Variants in DNAH11 observed in about 807,000 individuals in gnomAD.
DNAH11 encodes axonemal beta dynein heavy chain 11.
Under a neutral mutation model 526.0 loss-of-function variants are expected in DNAH11, and 442 were observed. The observed-to-expected ratio is 0.84, with a 90% CI of 0.78 to 0.91. The LOEUF is 0.91. Among genes scored for constraint, DNAH11 ranks in the 40% least tolerant of loss-of-function variants. The probability of loss-of-function intolerance (pLI) is 0.00; values close to 1 mark genes in which losing one functional copy is unlikely to be tolerated. For synonymous variants in DNAH11, 2,461 were observed against 1,935.9 expected (o/e 1.27, Z -7.12); for missense variants, 6,989 against 5,448.7 (o/e 1.28, Z -8.90).
chr7:21,785,353 A>T (rs1386559174), intron 58 of DNAH11, among the ~76,000 whole-genome samples: 2 of 152,240 alleles, frequency 1.3e-5, no homozygotes, highest in African/African-American at 4.8e-5. Flanking sequence ...AAACTGAAAA[A>T]TTTTAAATGG....
intron 20 of DNAH11, among the ~76,000 whole-genome samples, chr7:21,611,088 G>A (rs1785504408): frequency 6.6e-6 from 1 of 152,218 alleles, no homozygotes; most frequent in South Asian, 2.1e-4. Flanking sequence ...TTGGTGGACT[G>A]AGTGGAGAAG....
chr7:21,839,121 T>C (rs939865322), intron 65 of DNAH11, among the ~76,000 whole-genome samples: 3 of 152,206 alleles, frequency 2.0e-5, no homozygotes, highest in African/African-American at 7.2e-5. Flanking sequence ...ATATGCTTAT[T>C]GGTCATTTGT....
intron 76 of DNAH11, among the ~76,000 whole-genome samples, chr7:21,890,404 A>C (rs1784289622): frequency 6.6e-6 from 1 of 152,186 alleles, no homozygotes; most frequent in South Asian, 2.1e-4. Flanking sequence ...CATTCAAACA[A>C]ATGTCCCCAT....
chr7:21,793,069 TAG>T (rs1292527091), intron 61 of DNAH11, among the ~76,000 whole-genome samples: 1 of 152,208 alleles, frequency 6.6e-6, no homozygotes. Context: ...CCGAATATAT[TAG>T]GTTTCCATTT....
chr7:21,682,591 A>C (rs1461561758), intron 31 of DNAH11, among the ~76,000 whole-genome samples: 1 of 152,032 alleles, frequency 6.6e-6, no homozygotes, highest in Admixed American at 6.6e-5. Context: ...TTAATGTGAA[A>C]GGAGAATTTT....
intron 65 of DNAH11, among the ~76,000 whole-genome samples, chr7:21,825,712 A>C (rs1428402757): frequency 6.6e-6 from 1 of 151,544 alleles, no homozygotes; most frequent in Non-Finnish European, 1.5e-5. Context: ...AAGTGCTTTG[A>C]TGTTTGGGAG....
At chr7:21,886,019 A>G (rs73683004) in intron 76 of DNAH11, among the ~76,000 whole-genome samples, 1 of 152,170 alleles carries the variant, frequency 6.6e-6, no homozygotes, top group Non-Finnish European at 1.5e-5. Flanking sequence ...ATCCAGGTTC[A>G]TGGCCATTCC....
intron 48 of DNAH11, 95 bp downstream of exon 48, chr7:21,739,768 C>T (rs1488175961): frequency 6.6e-6 from 6 of 909,762 alleles, no homozygotes; most frequent in South Asian, 1.7e-5. Flanking sequence ...TTGTTAAGCA[C>T]GTTTCTCATG....
Position 21,554,037 on chromosome 7 carries a change from C to T in DNAH11, c.496-4765C>T, listed in dbSNP as rs906552895. 3.9e-5 allele frequency among the ~76,000 whole-genome samples: 6 copies of T among 152,210 alleles called. No individual in the cohort carries two copies. In the South Asian group the frequency reaches 1.0e-3, roughly 26 times the overall value. On this transcript the variant is annotated intron_variant, in intron 2 of 81. Transcript: ENST00000409508. Reference sequence around the variant, plus strand: ...TAGTCTCTGACCCTGTGCAGGAATGCGGAGGAAGTTTCCTCTTTTGGTTTT... The same window carrying T: ...TAGTCTCTGACCCTGTGCAGGAATGTGGAGGAAGTTTCCTCTTTTGGTTTT...
chr7:21,605,017 A>G (rs543981379), intron 18 of DNAH11, among the ~76,000 whole-genome samples: 2 of 152,334 alleles, frequency 1.3e-5, no homozygotes, highest in South Asian at 2.1e-4. Context: ...TTTTGATTCC[A>G]TAACACATAG....
chr7:21,872,665 T>C (rs1242512068), intron 73 of DNAH11, among the ~76,000 whole-genome samples: 2 of 152,222 alleles, frequency 1.3e-5, no homozygotes, highest in Non-Finnish European at 2.9e-5. Flanking sequence ...GGTGGTGGCA[T>C]TTAATTTTTT....
intron 44 of DNAH11, 82 bp from the exon 45 acceptor site, chr7:21,725,727 GAT>G: frequency 7.3e-7 from 1 of 1,379,012 alleles, no homozygotes; most frequent in Non-Finnish European, 9.9e-7. Flanking sequence ...CTACCCCTAT[GAT>G]ATTGTTACTC....
rs772102831 is a variant in DNAH11, at chr7:21,818,266, A to G, written c.10618A>G (p.Ile3540Val). 47 of 1,612,426 alleles carry G rather than the reference A, an allele frequency of 2.9e-5. No individual in the cohort carries two copies. The East Asian group carries it at 1.0e-3, about 35-fold the overall frequency. The change falls in exon 65 of 82, where the codon ATT becomes GTT. Residue 3540 changes from isoleucine to valine, a missense_variant. Ile to Val is a conservative substitution (Grantham distance 29). Transcript: ENST00000409508. ...TALAFGDVIL[I>V]ENLEETIDPV... ...TTTGGCCTTTGGTGATGTCATCTTA[A>G]TTGAAAATCTCGAGGAAACGATAGA...
chr7:21,715,489 A>C (rs1024545322), intron 42 of DNAH11, among the ~76,000 whole-genome samples: 1 of 152,208 alleles, frequency 6.6e-6, no homozygotes, highest in Non-Finnish European at 1.5e-5. Context: ...TGGGGCACCA[A>C]TGTGGGTGGT....
chr7:21,635,305 C>T lies in DNAH11; in HGVS notation c.4501-566C>T, dbSNP rs192241736. ...CCAGGTAGCTGGGACTACAGGCGCCCGTCACCACGCCCAGCTAATTTCTTG... is the reference window on the plus strand; with the variant it reads ...CCAGGTAGCTGGGACTACAGGCGCCTGTCACCACGCCCAGCTAATTTCTTG... On this transcript the variant is annotated intron_variant, in intron 25 of 81. Transcript: ENST00000409508. 1.8e-3 allele frequency among the ~76,000 whole-genome samples: 267 copies of T among 152,244 alleles called. 3 individuals are homozygous for T. In the South Asian group the frequency reaches 0.021, roughly 12 times the overall value.
chr7:21,742,434 G>C (rs772211957), intron 49 of DNAH11, among the ~76,000 whole-genome samples: 31 of 152,176 alleles, frequency 2.0e-4, no homozygotes, highest in Non-Finnish European at 4.0e-4. Flanking sequence ...AGGAGCAAGA[G>C]AGGGAGTGGA....
At chr7:21,555,824 G>A (rs566315227) in intron 2 of DNAH11, among the ~76,000 whole-genome samples, 2 of 152,258 alleles carry the variant, frequency 1.3e-5, no homozygotes, top group Non-Finnish European at 2.9e-5. Flanking sequence ...TTTGTGGGAC[G>A]TGTTTCTGCT....
At chr7:21,801,718 T>C (rs984474105) in intron 62 of DNAH11, among the ~76,000 whole-genome samples, 4 of 152,226 alleles carry the variant, frequency 2.6e-5, no homozygotes, top group Non-Finnish European at 4.4e-5. Flanking sequence ...GCTAGATAAT[T>C]ATGAAATTGA....
chr7:21,873,172 T>C lies in DNAH11; in HGVS notation c.11968-102T>C, dbSNP rs1045442954. On this transcript the variant is annotated intron_variant, in intron 73 of 81. Coordinates refer to ENST00000409508, the MANE Select transcript of DNAH11 (RefSeq NM_001277115.2). ...TGATAAAGGAAAATTTGAATCATGG[T>C]TCTCTGAGTTTTCAGTGCAATTATA... 3.8e-6 allele frequency: 4 copies of C among 1,058,210 alleles called. No individual in the cohort carries two copies. The African/African-American group carries it at 4.9e-5, about 13-fold the overall frequency. The allele number at this position is 1,058,210 out of a possible 1,614,324, so 65.6% of individuals were successfully genotyped here.
Sources: allele counts gnomAD v4.1 joint callset (sites outside exome capture counted in the v4.1 genomes callset), GRCh38; gene constraint gnomAD v4.1.1; transcripts MANE v1.5; gene names NCBI Gene and HGNC (gene_info 2026-07-23, HGNC 2026-07-21).